The following ADGRV1 variants were observed in gnomAD, a reference collection of about 807,000 sequenced individuals.
ADGRV1 encodes the protein adhesion G protein-coupled receptor V1, also known as G-protein coupled receptor 98.
Under a neutral mutation model 596.2 loss-of-function variants are expected in ADGRV1, and 359 were observed. The observed-to-expected ratio is 0.60, with a 90% CI of 0.55 to 0.66. The LOEUF (loss-of-function observed/expected upper bound fraction) is 0.66, where lower values mean the gene tolerates loss of function less well. ADGRV1 is among the 30% of genes least tolerant of loss of function. The pLI, the probability that ADGRV1 is intolerant of heterozygous loss-of-function variation, is 0.00. For synonymous variants in ADGRV1, 2,681 were observed against 2,679.2 expected, an observed-to-expected ratio of 1.00 and a Z score of -0.02; for missense variants, 7,274 against 7,575.6, an observed-to-expected ratio of 0.96 and a Z score of 1.48.
chr5:90,734,581 A>ATTTTT (rs3045850), intron 50 of ADGRV1, among the ~76,000 whole-genome samples: 4 of 101,110 alleles, frequency 4.0e-5, no homozygotes, highest in Admixed American at 1.2e-4. Context: ...TCTTTAGCCT[A>ATTTTT]TTTTTTTTTT....
intron 83 of ADGRV1, among the ~76,000 whole-genome samples, chr5:90,964,435 C>G (rs2150964049): frequency 6.6e-6 from 1 of 152,044 alleles, no homozygotes; most frequent in Non-Finnish European, 1.5e-5. Context: ...TAAGGGGGAG[C>G]CAGAGTTTAT....
At chr5:90,763,025 GTAT>G (rs1756673912) in intron 58 of ADGRV1, 1 of 282,836 alleles carries the variant, frequency 3.5e-6, no homozygotes, top group Admixed American at 4.5e-5. Flanking sequence ...TATGGCAAGA[GTAT>G]TAGCAGCATA....
chr5:90,994,438 C>G (rs1781243594), intron 85 of ADGRV1, among the ~76,000 whole-genome samples: 1 of 152,046 alleles, frequency 6.6e-6, no homozygotes, highest in African/African-American at 2.4e-5. Flanking sequence ...TTGATATTTT[C>G]TATTTGATGT....
In ADGRV1 at chr5:90,645,696, T is replaced by G. The variant is rs1367219983; in HGVS notation, c.2899-272T>G. Among the ~76,000 whole-genome samples the G allele has an allele frequency of 3.3e-5, 5 of 152,326 alleles. No homozygotes were observed. In the South Asian group the frequency reaches 8.3e-4, roughly 25 times the overall value. Reference sequence around the variant, plus strand: ...AATATGACCTCTGTGGTATATCAGTTTTTAGCTTATATAAGGCAAAATATC... The same window carrying G: ...AATATGACCTCTGTGGTATATCAGTGTTTAGCTTATATAAGGCAAAATATC... On this transcript the variant is annotated intron_variant, in intron 15 of 89. Transcript: ENST00000405460.
intron 1 of ADGRV1, among the ~76,000 whole-genome samples, chr5:90,611,428 A>G (rs1216654531): frequency 6.6e-6 from 1 of 152,004 alleles, no homozygotes; most frequent in African/African-American, 2.4e-5. Flanking sequence ...ATTAAGAGAT[A>G]AGGGATATAG....
rs560933249 is a variant in ADGRV1, at chr5:90,906,797, G to T, written c.17856+42940G>T. Among the ~76,000 whole-genome samples, 4 of 152,040 alleles carry T rather than the reference G, an allele frequency of 2.6e-5. No individual in the cohort carries two copies. The East Asian group carries it at 7.7e-4, about 29-fold the overall frequency. ...GGATTTGGTTTGCTCTGCTTTTCTAGTTCTTTAAGGTGCATCATTAGGTTG... is the reference window on the plus strand; with the variant it reads ...GGATTTGGTTTGCTCTGCTTTTCTATTTCTTTAAGGTGCATCATTAGGTTG... On this transcript the variant is annotated intron_variant, in intron 83 of 89. Coordinates refer to ENST00000405460, the MANE Select transcript of ADGRV1 (RefSeq NM_032119.4).
rs750968239 is a variant in ADGRV1 at position 90,810,958 on chromosome 5, T to C, written c.15698T>C (p.Met5233Thr). ...GPSIVYIEEEMKNGTFNTAEV... is the reference protein window; with the variant it reads ...GPSIVYIEEETKNGTFNTAEV... ...TCCATTGTTTATATTGAAGAGGAGATGAAGAATGGCACATTCAACACTGCA... is the reference window on the plus strand; with the variant it reads ...TCCATTGTTTATATTGAAGAGGAGACGAAGAATGGCACATTCAACACTGCA... Residue 5233 changes from methionine to threonine, a missense_variant, in exon 74 of 90, where the codon ATG becomes ACG. Met to Thr is a moderately conservative substitution (Grantham distance 81). Coordinates refer to ENST00000405460, the MANE Select transcript of ADGRV1 (RefSeq NM_032119.4). The C allele has an allele frequency of 7.4e-5, 120 of 1,613,966 alleles. No individual in the cohort carries two copies. Among genetic ancestry groups the C allele is most frequent in the Non-Finnish European group, 9.5e-5 (112 of 1,179,882 alleles).
intron 86 of ADGRV1, among the ~76,000 whole-genome samples, chr5:91,083,781 TC>T (rs1329651344): frequency 4.6e-5 from 7 of 152,288 alleles, no homozygotes; most frequent in Admixed American, 3.9e-4. Context: ...CTTAATAATT[TC>T]TTTTGCTGGG....
At chr5:90,826,230 C>T (rs1170215576) in intron 76 of ADGRV1, among the ~76,000 whole-genome samples, 1 of 152,152 alleles carries the variant, frequency 6.6e-6, no homozygotes, top group East Asian at 1.9e-4. Flanking sequence ...ATACACAATA[C>T]ATGTTCTGTG....
intron 85 of ADGRV1, among the ~76,000 whole-genome samples, chr5:91,008,354 G>A (rs975491117): frequency 4.6e-5 from 7 of 151,960 alleles, no homozygotes; most frequent in Non-Finnish European, 1.0e-4. Context: ...AGATGCATAC[G>A]GCACACTATT....
At chr5:91,078,211 TA>T (rs1431268491) in intron 86 of ADGRV1, among the ~76,000 whole-genome samples, 1 of 152,070 alleles carries the variant, frequency 6.6e-6, no homozygotes, top group African/African-American at 2.4e-5. Context: ...ATTATTATTA[TA>T]AAAATTATTG....
chr5:91,050,065 A>G (rs906750438), intron 85 of ADGRV1, among the ~76,000 whole-genome samples: 3 of 152,220 alleles, frequency 2.0e-5, no homozygotes, highest in Admixed American at 6.5e-5. Flanking sequence ...AATTAGAAAA[A>G]TAATTAACTA....
At chr5:90,970,917 A>G (rs1210653555) in intron 84 of ADGRV1, among the ~76,000 whole-genome samples, 6 of 152,164 alleles carry the variant, frequency 3.9e-5, no homozygotes, top group African/African-American at 1.4e-4. Flanking sequence ...GAGCTAAAGG[A>G]GGAAGTTTGA....
chr5:91,026,472 G>A (rs1421399125), intron 85 of ADGRV1, among the ~76,000 whole-genome samples: 1 of 152,108 alleles, frequency 6.6e-6, no homozygotes, highest in African/African-American at 2.4e-5. Flanking sequence ...GTCCTGAAAA[G>A]TGAACAATTT....
chr5:90,926,213 C>G (rs371927045), intron 83 of ADGRV1, among the ~76,000 whole-genome samples: 121 of 152,052 alleles, frequency 8.0e-4, no homozygotes, highest in Non-Finnish European at 1.1e-3. Flanking sequence ...AATGGTACCA[C>G]TTCCTCCTTG....
chr5:91,045,791 A>G (rs1785752270), intron 85 of ADGRV1, among the ~76,000 whole-genome samples: 1 of 152,192 alleles, frequency 6.6e-6, no homozygotes, highest in Non-Finnish European at 1.5e-5. Flanking sequence ...CTCCTCCAGA[A>G]AGTTTCTAGA....
Position 90,694,042 on chromosome 5 carries a change from T to C in ADGRV1, c.7286T>C (p.Val2429Ala), listed in dbSNP as rs1229428303. 3 of 1,613,794 alleles carry C rather than the reference T, an allele frequency of 1.9e-6. No homozygotes were observed. The highest frequency in any genetic ancestry group is 2.2e-5 in the East Asian group (1 of 44,866). ...PDPLWRTWMN[V>A]SAVGEPLYTC... ...CCACTTTGGAGAACTTGGATGAATG[T>C]CTCTGCCGTGGGGGAGCCCCTGTAT... The change falls in exon 33 of 90, where the codon GTC becomes GCC. Residue 2429 changes from valine (V) to alanine (A), a missense_variant. This residue lies in a region of ADGRV1 where 3,643 missense variants were observed against 3,809.2 expected (regional missense o/e 0.96). Coordinates refer to ENST00000405460, the MANE Select transcript of ADGRV1 (RefSeq NM_032119.4).
intron 1 of ADGRV1, chr5:90,614,289 T>C: frequency 3.1e-6 from 1 of 327,686 alleles, no homozygotes; most frequent in Non-Finnish European, 5.8e-6. Context: ...ATTTAAGTCC[T>C]GGAAATTTAT....
chr5:91,158,425 A>T (rs1275338705), intron 89 of ADGRV1, among the ~76,000 whole-genome samples: 1 of 152,176 alleles, frequency 6.6e-6, no homozygotes, highest in Non-Finnish European at 1.5e-5. Flanking sequence ...AAAACCTACA[A>T]GGTGGAAAAA....
Sources: allele counts gnomAD v4.1 joint callset (sites outside exome capture counted in the v4.1 genomes callset), GRCh38; gene constraint gnomAD v4.1.1; regional missense constraint gnomAD v4.1.1; transcripts MANE v1.5; gene names NCBI Gene and HGNC (gene_info 2026-07-23, HGNC 2026-07-21).